MATN2: variants seen among roughly 807,000 people sequenced by gnomAD.
MATN2 encodes matrilin 2, also known as matrilin-2.
A neutral mutation model predicts 103.2 loss-of-function variants in MATN2; 69 were observed. That is an observed-to-expected ratio of 0.67 (90% CI 0.55 to 0.82). The LOEUF is 0.82. MATN2 is among the 40% of genes least tolerant of loss of function. MATN2 has a pLI of 0.00. For synonymous variants in MATN2, 429 were observed against 450.2 expected (o/e 0.95, Z 0.60); for missense variants, 1,023 against 1,211.5 (o/e 0.84, Z 2.31).
Position 97,980,352 on chromosome 8 carries a change from C to T in MATN2, c.1081+1344C>T, listed in dbSNP as rs16896484. 7.4e-3 allele frequency among the ~76,000 whole-genome samples: 1,127 copies of T among 152,222 alleles called. 18 individuals carry two copies. Among genetic ancestry groups the T allele is most frequent in the African/African-American group, 0.026 (1,068 of 41,556 alleles). ...GTAAAATAGCAGCCTGTGCTGTCGT[C>T]GTGGTTGGGGAGTTGTGGTTGTTGG... On this transcript the variant is annotated intron_variant, in intron 6 of 18. Coordinates refer to ENST00000254898, the MANE Select transcript of MATN2 (RefSeq NM_002380.5).
intron 2 of MATN2, among the ~76,000 whole-genome samples, chr8:97,917,695 T>C (rs528074661): frequency 3.3e-5 from 5 of 152,352 alleles, no homozygotes; most frequent in African/African-American, 1.2e-4. Flanking sequence ...CACCTCCATC[T>C]GGGTGTACAT....
chr8:97,975,706 G>A (rs1011606849), intron 5 of MATN2, among the ~76,000 whole-genome samples: 1 of 152,160 alleles, frequency 6.6e-6, no homozygotes, highest in African/African-American at 2.4e-5. Context: ...TCCAGGATTG[G>A]GAGATTTTCA....
chr8:98,012,284 GGAA>G (rs1252330418), intron 10 of MATN2, among the ~76,000 whole-genome samples: 1 of 152,182 alleles, frequency 6.6e-6, no homozygotes. Context: ...AGCTTCTCGG[GGAA>G]GAAGGATAGC....
In MATN2 at chr8:97,937,497, T is replaced by C. The variant is rs575129428; in HGVS notation, c.713-4280T>C. The stretch of plus-strand genomic sequence containing the variant: ...TCTTTTTTAGTTCCAGTTTCTCTTA[T>C]GGCACATGGCCAAAATAAGCCTTAG... On this transcript the variant is annotated intron_variant, in intron 3 of 18. Coordinates refer to ENST00000254898, the MANE Select transcript of MATN2 (RefSeq NM_002380.5). Among the ~76,000 whole-genome samples, 12 of 152,144 alleles carry C rather than the reference T, an allele frequency of 7.9e-5. No individual in the cohort carries two copies. In the South Asian group the frequency reaches 8.3e-4, roughly 11 times the overall value.
In MATN2 at chr8:98,007,532, AT is replaced by A. The variant is rs1454789399; in HGVS notation, c.1505del (p.Met502ArgfsTer40). ...DHGCEYSCVN[M>X]DRSFACQCPE... is the part of the protein sequence containing the mutation. ...TGGTTGTGAATACTCCTGTGTCAAC[AT>A]GGACAGATCCTTTGCCTGTCAGTGT... On this transcript the variant is annotated frameshift_variant, in exon 10 of 19. Coordinates refer to ENST00000254898, the MANE Select transcript of MATN2 (RefSeq NM_002380.5). LOFTEE classifies it high-confidence loss of function. The surrounding 1 kb of genome is among the most constrained non-coding windows in gnomAD (Gnocchi z 4.2). 3 of 1,613,704 alleles carry A rather than the reference AT, an allele frequency of 1.9e-6. No individual in the cohort carries two copies. The highest frequency in any genetic ancestry group is 2.5e-6 in the Non-Finnish European group (3 of 1,179,612).
chr8:97,875,380 A>G (rs1474663743), intron 1 of MATN2, among the ~76,000 whole-genome samples: 3 of 152,212 alleles, frequency 2.0e-5, no homozygotes, highest in Non-Finnish European at 2.9e-5. Flanking sequence ...TCTGAGGGCA[A>G]TAGAGCCTGG....
chr8:98,004,286 CAAA>C (rs60031012), intron 8 of MATN2: 13,971 of 138,498 alleles, frequency 0.1, 868 homozygotes, highest in Admixed American at 0.21. Flanking sequence ...AACTTCATCT[CAAA>C]AAAAAAAAAA....
chr8:98,018,135 G>A lies in MATN2; in HGVS notation c.1819+19G>A, dbSNP rs563571671. 2.5e-6 allele frequency: 4 copies of A among 1,613,108 alleles called. No individual in the cohort carries two copies. The highest frequency in any genetic ancestry group is 3.4e-6 in the Non-Finnish European group (4 of 1,179,344). On this transcript the variant is annotated intron_variant, in intron 12 of 18. Coordinates refer to ENST00000254898, the MANE Select transcript of MATN2 (RefSeq NM_002380.5). ...TGCCGAAGTAAGTAGCCTCGAGGTG[G>A]AGAAGAACTTTTCCCTCTGTGGACT...
At chr8:97,936,259 G>A (rs1320346898) in intron 3 of MATN2, among the ~76,000 whole-genome samples, 1 of 152,156 alleles carries the variant, frequency 6.6e-6, no homozygotes, top group East Asian at 1.9e-4. Flanking sequence ...TTGCCACCTG[G>A]GCGAGATTGC....
intron 4 of MATN2, among the ~76,000 whole-genome samples, chr8:97,944,076 T>C (rs1810665881): frequency 1.3e-5 from 2 of 152,240 alleles, no homozygotes; most frequent in East Asian, 1.9e-4. Flanking sequence ...AGACCCTGCC[T>C]GGACTTCAGA....
At chr8:98,006,407 C>G (rs1192250937) in intron 8 of MATN2, among the ~76,000 whole-genome samples, 1 of 152,178 alleles carries the variant, frequency 6.6e-6, no homozygotes, top group Non-Finnish European at 1.5e-5. Flanking sequence ...TTTACATAAT[C>G]AACCCCTCTT....
intron 6 of MATN2, among the ~76,000 whole-genome samples, chr8:97,988,514 T>A (rs906712606): frequency 6.6e-6 from 1 of 151,910 alleles, no homozygotes; most frequent in Non-Finnish European, 1.5e-5. Context: ...TAGTCCCAGC[T>A]ACTCGAAAGG....
chr8:97,917,944 G>A (rs1159629475), intron 2 of MATN2, among the ~76,000 whole-genome samples: 1 of 151,968 alleles, frequency 6.6e-6, no homozygotes, highest in African/African-American at 2.4e-5. Context: ...AAATTAGTCG[G>A]GTGTGGTGGG....
intron 2 of MATN2, among the ~76,000 whole-genome samples, chr8:97,927,464 G>A (rs763642686): frequency 2.0e-5 from 3 of 152,054 alleles, no homozygotes; most frequent in Non-Finnish European, 4.4e-5. Context: ...ATTTGGCCTG[G>A]TCTTAGTTTT....
intron 2 of MATN2, among the ~76,000 whole-genome samples, chr8:97,910,683 G>A (rs2130068424): frequency 6.6e-6 from 1 of 152,296 alleles, no homozygotes; most frequent in South Asian, 2.1e-4. Context: ...GTTGTTTCCT[G>A]TAGCAAAATC....
chr8:97,892,239 A>G (rs1479886102), intron 2 of MATN2, among the ~76,000 whole-genome samples: 1 of 151,434 alleles, frequency 6.6e-6, no homozygotes, highest in Non-Finnish European at 1.5e-5. Flanking sequence ...CTGTCTCAAA[A>G]AAAAAAAAGA....
intron 4 of MATN2, among the ~76,000 whole-genome samples, chr8:97,943,625 C>T (rs1362664556): frequency 6.6e-6 from 1 of 152,136 alleles, no homozygotes; most frequent in Non-Finnish European, 1.5e-5. Flanking sequence ...AGCTGCATGC[C>T]ACCATGCCTG....
intron 6 of MATN2, among the ~76,000 whole-genome samples, chr8:97,983,500 C>T (rs1029458893): frequency 1.3e-5 from 2 of 152,116 alleles, no homozygotes; most frequent in African/African-American, 4.8e-5. Flanking sequence ...GGTCTTTTCA[C>T]CAGAAAGATC....
At chr8:97,877,464 T>C (rs1224829713) in intron 1 of MATN2, among the ~76,000 whole-genome samples, 3 of 149,216 alleles carry the variant, frequency 2.0e-5, no homozygotes, top group Admixed American at 1.3e-4. Context: ...GCAACGAGAG[T>C]GAAACTCAGT....
Sources: allele counts gnomAD v4.1 joint callset (sites outside exome capture counted in the v4.1 genomes callset), GRCh38; gene constraint gnomAD v4.1.1; non-coding constraint Gnocchi (gnomAD v3.1); transcripts MANE v1.5; gene names NCBI Gene and HGNC (gene_info 2026-07-23, HGNC 2026-07-21).